PRDM8: variants seen among roughly 807,000 people sequenced by gnomAD.
PRDM8 encodes PR/SET domain 8.
Under a neutral mutation model 46.5 loss-of-function variants are expected in PRDM8, and 13 were observed. The ratio of observed to expected loss-of-function variants is 0.28; its 90% CI spans 0.18 to 0.44. PRDM8 has a LOEUF of 0.44. PRDM8 is among the 20% of genes least tolerant of loss of function. The probability of loss-of-function intolerance (pLI) is 1.00; values close to 1 mark genes in which losing one functional copy is unlikely to be tolerated. For synonymous variants in PRDM8, 473 were observed against 438.4 expected (o/e 1.08, Z -0.98); for missense variants, 998 against 955.0 (o/e 1.04, Z -0.59).
Position 80,203,494 on chromosome 4 carries a change from C to T in PRDM8, c.2032C>T (p.Arg678Cys). 6.2e-7 allele frequency: 1 copy of T among 1,612,948 alleles called. No individual in the cohort carries two copies. Among genetic ancestry groups the T allele is most frequent in the Non-Finnish European group, 8.5e-7 (1 of 1,179,564 alleles). ...CPICNESFRERHHLSRHMTSH... is the reference protein window; with the variant it reads ...CPICNESFRECHHLSRHMTSH... ...CATCTGCAATGAGTCCTTCAGGGAG[C>T]GCCACCACCTCTCCAGGCACATGAC... Residue 678 changes from arginine (R) to cysteine (C), a missense_variant, in exon 4 of 4, where the codon CGC (arginine) becomes TGC (cysteine). By Grantham distance (180) the Arg-to-Cys change is radical. Coordinates refer to ENST00000415738, the MANE Select transcript of PRDM8 (RefSeq NM_001099403.2).
intron 1 of PRDM8, among the ~76,000 whole-genome samples, chr4:80,198,192 GCT>G (rs1226674085): frequency 1.3e-5 from 2 of 152,260 alleles, no homozygotes; most frequent in African/African-American, 4.8e-5. Flanking sequence ...TGGGCTTGAG[GCT>G]CGTGGCGCCT....
intron 1 of PRDM8, among the ~76,000 whole-genome samples, chr4:80,190,683 C>T (rs76719495): frequency 0.023 from 3,435 of 152,294 alleles, 54 homozygotes; most frequent in South Asian, 0.039. Context: ...AAGACATGGG[C>T]ACCGGACAAT....
upstream of PRDM8, chr4:80,197,163 A>G: frequency 1.0e-6 from 1 of 985,476 alleles, no homozygotes; most frequent in Non-Finnish European, 1.2e-6. Context: ...GCTCTCTGTC[A>G]CAGCTTCTCC....
In PRDM8 at chr4:80,203,102, T is replaced by C. The variant is rs1288447083; in HGVS notation, c.1640T>C (p.Val547Ala). 1 of 1,571,390 alleles carries C rather than the reference T, an allele frequency of 6.4e-7. No individual in the cohort carries two copies. Among genetic ancestry groups the C allele is most frequent in the Admixed American group, 1.8e-5 (1 of 57,082 alleles). ...CCCGCCGCCGCGGACCCTCTAGCGGTGAAGCTCCAGGGGGCCGCGGACCTG... is the reference window on the plus strand; with the variant it reads ...CCCGCCGCCGCGGACCCTCTAGCGGCGAAGCTCCAGGGGGCCGCGGACCTG... ...LYPAAADPLA[V>A]KLQGAADLNG... The change falls in exon 4 of 4, where the codon GTG becomes GCG. Residue 547 changes from valine (V) to alanine (A), a missense_variant. Val to Ala is a moderately conservative substitution (Grantham distance 64, BLOSUM62 0). Transcript: ENST00000415738.
At chr4:80,190,365 A>G (rs779320299) in intron 1 of PRDM8, among the ~76,000 whole-genome samples, 3 of 152,208 alleles carry the variant, frequency 2.0e-5, no homozygotes, top group Non-Finnish European at 4.4e-5. Context: ...CCCAGGGCTC[A>G]TTTGGAGCGT....
Position 80,203,601 on chromosome 4 carries a change from G to A in PRDM8, c.*69G>A, listed in dbSNP as rs1738755679. ...AAGCCACCTGCAGGAATAAACACGC[G>A]AGAACATCCACCGCTTCCTTGCACC... On this transcript the variant is annotated 3_prime_UTR_variant, in exon 4 of 4. Coordinates refer to ENST00000415738, the MANE Select transcript of PRDM8 (RefSeq NM_001099403.2). 3.3e-6 allele frequency: 5 copies of A among 1,499,450 alleles called. No homozygotes were observed. The highest frequency in any genetic ancestry group is 1.3e-5 in the South Asian group (1 of 75,578). The allele number at this position is 1,499,450 out of a possible 1,614,324, so 92.9% of individuals were successfully genotyped here.
Position 80,197,574 on chromosome 4 carries a change from C to A in PRDM8, c.-192C>A, listed in dbSNP as rs1481074105. ...CTCTCTCCCTCCCTCCCTCCCTCCACCCCCCCAATCTTTTTCTCCCCATCT... is the reference window on the plus strand; with the variant it reads ...CTCTCTCCCTCCCTCCCTCCCTCCAACCCCCCAATCTTTTTCTCCCCATCT... On this transcript the variant is annotated 5_prime_UTR_variant, in exon 1 of 4. Transcript: ENST00000415738. 5.2e-6 allele frequency: 5 copies of A among 964,870 alleles called. No homozygotes were observed. In the East Asian group the frequency reaches 3.5e-4, roughly 67 times the overall value. 59.8% of individuals were successfully genotyped at this position (964,870 alleles called of 1,614,324 possible).
At chr4:80,195,462 C>T (rs1356209599), upstream of PRDM8, among the ~76,000 whole-genome samples, 1 of 151,820 alleles carries the variant, frequency 6.6e-6, no homozygotes, top group East Asian at 1.9e-4. Flanking sequence ...TCCACCCATT[C>T]TTTAAAGAAG....
In PRDM8 at chr4:80,203,091, C is replaced by T. The variant is rs747770579; in HGVS notation, c.1629C>T (p.Asp543=). Residue 543 remains aspartate (D), a synonymous_variant, in exon 4 of 4, where the codon GAC becomes GAT. Coordinates refer to ENST00000415738, the MANE Select transcript of PRDM8 (RefSeq NM_001099403.2). ...GPTRLYPAAA[D]PLAVKLQGAA... ...CCAGACTCTATCCCGCCGCCGCGGA[C>T]CCTCTAGCGGTGAAGCTCCAGGGGG... 2 of 1,571,300 alleles carry T rather than the reference C, an allele frequency of 1.3e-6. No individual in the cohort carries two copies. The highest frequency in any genetic ancestry group is 1.7e-6 in the Non-Finnish European group (2 of 1,167,730).
Position 80,197,752 on chromosome 4 carries a change from A to G in PRDM8, c.-14A>G. The G allele has an allele frequency of 1.0e-6, 1 of 984,956 alleles. No homozygotes were observed. The highest frequency in any genetic ancestry group is 1.2e-6 in the Non-Finnish European group (1 of 829,286). The allele number at this position is 984,956 out of a possible 1,614,324, so 61.0% of individuals were successfully genotyped here. A position where few individuals can be genotyped will look rare whatever the true frequency, so the allele number is the denominator to read the frequency against. On this transcript the variant is annotated 5_prime_UTR_variant, in exon 1 of 4. Transcript: ENST00000415738. ...GCCTTATTTGGGAGATTCTATACTG[A>G]CCTTATTCCTGGTAAGTCTATTTGC...
At chr4:80,186,725 G>A (rs1480926587) in intron 1 of PRDM8, among the ~76,000 whole-genome samples, 3 of 149,678 alleles carry the variant, frequency 2.0e-5, no homozygotes, top group Non-Finnish European at 4.4e-5. Flanking sequence ...GGGGACCCCT[G>A]ATGCATGCGA....
Position 80,200,102 on chromosome 4 carries a change from C to A in PRDM8, c.22C>A (p.Arg8=), listed in dbSNP as rs1016824364. 1.2e-6 allele frequency: 2 copies of A among 1,613,588 alleles called. No individual in the cohort carries two copies. The highest frequency in any genetic ancestry group is 1.3e-5 in the African/African-American group (1 of 74,876). MEDTGIQ[R]GIWDGDAKAV... is the part of the protein sequence containing the mutation. ...AGTGATGGAGGATACTGGCATCCAG[C>A]GAGGCATCTGGGATGGAGATGCCAA... Residue 8 remains arginine, a synonymous_variant, in exon 2 of 4, where the codon CGA becomes AGA. Transcript: ENST00000415738.
At chr4:80,196,571 G>A (rs970294895), upstream of PRDM8, 92 of 985,286 alleles carry the variant, frequency 9.3e-5, no homozygotes, top group Non-Finnish European at 1.1e-4. Flanking sequence ...ACCACCCGCT[G>A]GATGTGAAAA....
chr4:80,185,689 G>A (rs1174809579), intron 1 of PRDM8, among the ~76,000 whole-genome samples: 17 of 152,192 alleles, frequency 1.1e-4, no homozygotes, highest in Non-Finnish European at 8.8e-5. Context: ...AACAGGAGGG[G>A]CGCACCTGCA....
At position 80,197,573 on chromosome 4, in the gene PRDM8, AC is replaced by A. The variant is rs1212246764; in HGVS notation, c.-186del. 6 of 354,380 alleles carry A rather than the reference AC, an allele frequency of 1.7e-5. No homozygotes were observed. The highest frequency in any genetic ancestry group is 3.0e-4 in the East Asian group (1 of 3,356). The allele number at this position is 354,380 out of a possible 1,614,324, so 22.0% of individuals were successfully genotyped here. On this transcript the variant is annotated 5_prime_UTR_variant, in exon 1 of 4. Transcript: ENST00000415738. ...TCTCTCTCCCTCCCTCCCTCCCTCC[AC>A]CCCCCCAATCTTTTTCTCCCCATCT... is the stretch of plus-strand genomic sequence containing the variant.
chr4:80,203,704 A>C lies in PRDM8; in HGVS notation c.*172A>C. On this transcript the variant is annotated 3_prime_UTR_variant, in exon 4 of 4. Transcript: ENST00000415738. ...GCGCACACACACGTCCTCTCCTCCC[A>C]GGAACCTCATTCAAATATTTACCCG... 1.9e-6 allele frequency: 2 copies of C among 1,043,596 alleles called. No individual in the cohort carries two copies. The highest frequency in any genetic ancestry group is 2.5e-6 in the Non-Finnish European group (2 of 798,410). 64.6% of individuals were successfully genotyped at this position (1,043,596 alleles called of 1,614,324 possible).
At chr4:80,201,827 T>C (rs915504819) in intron 3 of PRDM8, 87 bp from the exon 4 acceptor site, 46 of 1,577,866 alleles carry the variant, frequency 2.9e-5, no homozygotes, top group Non-Finnish European at 4.0e-5. Context: ...GCAAACTGGC[T>C]TGGGGGCGAT....
chr4:80,203,648 C>T lies in PRDM8; in HGVS notation c.*116C>T. The T allele has an allele frequency of 6.9e-7, 1 of 1,439,156 alleles. No individual in the cohort carries two copies. Among genetic ancestry groups the T allele is most frequent in the East Asian group, 2.5e-5 (1 of 39,674 alleles). 89.1% of individuals were successfully genotyped at this position (1,439,156 alleles called of 1,614,324 possible). A position where few individuals can be genotyped will look rare whatever the true frequency, so the allele number is the denominator to read the frequency against. Reference sequence around the variant, plus strand: ...CACCCCGAAACCCTGCACAAAGACACATACATTCACCGCCCCCCCGCCCCC... The same window carrying T: ...CACCCCGAAACCCTGCACAAAGACATATACATTCACCGCCCCCCCGCCCCC... On this transcript the variant is annotated 3_prime_UTR_variant, in exon 4 of 4. Transcript: ENST00000415738.
At chr4:80,186,815 C>T (rs1448271100) in intron 1 of PRDM8, among the ~76,000 whole-genome samples, 1 of 152,208 alleles carries the variant, frequency 6.6e-6, no homozygotes, top group Non-Finnish European at 1.5e-5. Context: ...TCTGCTGTCT[C>T]TATAGATACA....
Sources: allele counts gnomAD v4.1 joint callset (sites outside exome capture counted in the v4.1 genomes callset), GRCh38; gene constraint gnomAD v4.1.1; transcripts MANE v1.5; gene names NCBI Gene and HGNC (gene_info 2026-07-23, HGNC 2026-07-21).